The following OLFML2A variants were observed in gnomAD, a reference collection of about 807,000 sequenced individuals.
OLFML2A encodes olfactomedin like 2A, also known as olfactomedin-like protein 2A.
Under a neutral mutation model 60.9 loss-of-function variants are expected in OLFML2A, and 47 were observed. The observed-to-expected ratio is 0.77, with a 90% CI of 0.61 to 0.98. OLFML2A has a LOEUF of 0.98. OLFML2A is among the 50% of genes least tolerant of loss of function. OLFML2A has a pLI of 0.00. For synonymous variants in OLFML2A, 372 were observed against 375.0 expected, an observed-to-expected ratio of 0.99 and a Z score of 0.09; for missense variants, 922 against 879.8, an observed-to-expected ratio of 1.05 and a Z score of -0.61.
At chr9:124,798,726 CAAA>C (rs59669639) in intron 3 of OLFML2A, among the ~76,000 whole-genome samples, 5 of 65,108 alleles carry the variant, frequency 7.7e-5, no homozygotes, top group Non-Finnish European at 7.3e-5. Context: ...CCCAGCTACT[CAAA>C]AAAAAAAAAA....
In OLFML2A at chr9:124,794,914, G is replaced by C. The variant is rs574235992; in HGVS notation, c.355-110G>C. On this transcript the variant is annotated intron_variant, in intron 2 of 7. Transcript: ENST00000373580. ...TGGGATTACAGGCGTGAGCCACAGC[G>C]CCTGGCCCAGGTTCTGGAGTTCTCA... The C allele has an allele frequency of 4.4e-5, 28 of 639,578 alleles. No individual in the cohort carries two copies. In the African/African-American group the frequency reaches 4.5e-4, roughly 10 times the overall value. 39.6% of individuals were successfully genotyped at this position (639,578 alleles called of 1,614,324 possible).
chr9:124,814,463 C>G lies in OLFML2A; in HGVS notation c.*4051C>G, dbSNP rs77529495. 3 of 151,848 alleles carry G rather than the reference C, an allele frequency of 2.0e-5. No individual in the cohort carries two copies. The highest frequency in any genetic ancestry group is 3.9e-4 in the East Asian group (2 of 5,138). The allele number at this position is 151,848 out of a possible 1,614,324, so 9.4% of individuals were successfully genotyped here. Reference sequence around the variant, plus strand: ...TAGAGCTTTACCCCTAATCCCCCCCCAGGAGCCCCGAGGCCGGCATTATTC... The same window carrying G: ...TAGAGCTTTACCCCTAATCCCCCCCGAGGAGCCCCGAGGCCGGCATTATTC... On this transcript the variant is annotated 3_prime_UTR_variant, in exon 8 of 8. Transcript: ENST00000373580.
chr9:124,784,185 GTTTTTTTCTTTTTT>G (rs935207499), intron 1 of OLFML2A, among the ~76,000 whole-genome samples: 1 of 151,680 alleles, frequency 6.6e-6, no homozygotes. Context: ...CACAGAGGTA[GTTTTTTTCTTTTTT>G]TTTTTTTCTT....
chr9:124,807,082 TAAA>T (rs71492424), intron 6 of OLFML2A, among the ~76,000 whole-genome samples: 5 of 148,730 alleles, frequency 3.4e-5, no homozygotes, highest in East Asian at 2.0e-4. Context: ...CTCAGCTAAT[TAAA>T]AAAATTTTTT....
chr9:124,795,006 TC>T lies in OLFML2A; in HGVS notation c.355-13del. On this transcript the variant is annotated splice_polypyrimidine_tract_variant and intron_variant, in intron 2 of 7. Transcript: ENST00000373580. ...ATGTGCTGCACTCTTTGCCTAACCA[TC>T]CCCCTTCCCCGGGCAGCTGCAGTCC... is the stretch of plus-strand genomic sequence containing the variant. 3 of 1,502,510 alleles carry T rather than the reference TC, an allele frequency of 2.0e-6. No homozygotes were observed. The highest frequency in any genetic ancestry group is 2.8e-6 in the Non-Finnish European group (3 of 1,090,604). 93.1% of individuals were successfully genotyped at this position (1,502,510 alleles called of 1,614,324 possible).
chr9:124,801,728 T>G, intron 5 of OLFML2A, 65 bp downstream of exon 5: 1 of 1,538,112 alleles, frequency 6.5e-7, no homozygotes, highest in Non-Finnish European at 8.8e-7. Flanking sequence ...AATCCCCTCA[T>G]CTTCTCTGCA....
At chr9:124,786,882 C>T (rs1334016729) in intron 1 of OLFML2A, 93 bp from the exon 2 acceptor site, 33 of 1,370,834 alleles carry the variant, frequency 2.4e-5, no homozygotes, top group Non-Finnish European at 2.9e-5. Flanking sequence ...CCAAGGCTGG[C>T]TGGCCAGCTG....
At position 124,811,539 on chromosome 9, in the gene OLFML2A, T is replaced by C. The variant is rs1256927440; in HGVS notation, c.*1127T>C. The C allele has an allele frequency of 2.0e-5, 3 of 152,590 alleles. No individual in the cohort carries two copies. The highest frequency in any genetic ancestry group is 2.0e-4 in the Admixed American group (3 of 15,286). 9.5% of individuals were successfully genotyped at this position (152,590 alleles called of 1,614,324 possible). A position where few individuals can be genotyped will look rare whatever the true frequency, so the allele number is the denominator to read the frequency against. On this transcript the variant is annotated 3_prime_UTR_variant, in exon 8 of 8. Transcript: ENST00000373580. ...CAGGCTGGCCCAGCAGCCTGGGGGC[T>C]GCAGAAGACATGGTGTGAGTAGTTG...
rs183770687 is a variant in OLFML2A at position 124,801,582 on chromosome 9, G to T, written c.838G>T (p.Ala280Ser). The T allele has an allele frequency of 6.6e-5, 106 of 1,613,988 alleles. No homozygotes were observed. In the East Asian group the frequency reaches 2.0e-3, roughly 30 times the overall value. Residue 280 changes from alanine to serine, a missense_variant, in exon 5 of 8, where the codon GCC becomes TCC. Coordinates refer to ENST00000373580, the MANE Select transcript of OLFML2A (RefSeq NM_182487.4). ...SFLQPTAKPR[A>S]LAQQQAVIRG... ...CCTCCAGCCCACAGCCAAGCCCCGC[G>T]CCCTGGCCCAGCAGCAGGCTGTGAT... is the stretch of plus-strand genomic sequence containing the variant.
intron 2 of OLFML2A, among the ~76,000 whole-genome samples, chr9:124,792,873 T>C (rs545627535): frequency 6.6e-6 from 1 of 152,266 alleles, no homozygotes; most frequent in African/African-American, 2.4e-5. Context: ...GAAATGTCTA[T>C]GCGCATGATT....
At chr9:124,790,298 T>C (rs1034169454) in intron 2 of OLFML2A, among the ~76,000 whole-genome samples, 1 of 151,996 alleles carries the variant, frequency 6.6e-6, no homozygotes, top group South Asian at 2.1e-4. Flanking sequence ...GCCTCCTGAG[T>C]GGCTGGGATT....
At chr9:124,797,219 G>C (rs974119428) in intron 3 of OLFML2A, among the ~76,000 whole-genome samples, 1 of 152,194 alleles carries the variant, frequency 6.6e-6, no homozygotes, top group Non-Finnish European at 1.5e-5. Flanking sequence ...GGGCTCAAGC[G>C]ATCCTCCTGC....
chr9:124,810,115 C>G lies in OLFML2A; in HGVS notation c.1662C>G (p.Asp554Glu). ...AGGTGATCGTCCTGAGTCGCTTGGACCCCGGCGATCTCTCCGTGCACCGGG... is the reference window on the plus strand; with the variant it reads ...AGGTGATCGTCCTGAGTCGCTTGGAGCCCGGCGATCTCTCCGTGCACCGGG... The part of the protein sequence containing the change: ...QPEVIVLSRL[D>E]PGDLSVHRET... Residue 554 changes from aspartate (D) to glutamate (E), a missense_variant, in exon 8 of 8, where the codon GAC becomes GAG. Asp to Glu is a conservative substitution (Grantham distance 45). Coordinates refer to ENST00000373580, the MANE Select transcript of OLFML2A (RefSeq NM_182487.4). The G allele has an allele frequency of 6.2e-7, 1 of 1,613,820 alleles. No homozygotes were observed. Among genetic ancestry groups the G allele is most frequent in the Non-Finnish European group, 8.5e-7 (1 of 1,180,004 alleles).
chr9:124,788,179 G>A (rs1231995789), intron 2 of OLFML2A, among the ~76,000 whole-genome samples: 1 of 152,020 alleles, frequency 6.6e-6, no homozygotes, highest in African/African-American at 2.4e-5. Context: ...GCAGGTGCCT[G>A]TAATCCCAGC....
Position 124,810,059 on chromosome 9 carries a change from G to T in OLFML2A, c.1606G>T (p.Ala536Ser), listed in dbSNP as rs747666018. The T allele has an allele frequency of 6.2e-7, 1 of 1,613,888 alleles. No individual in the cohort carries two copies. The highest frequency in any genetic ancestry group is 1.1e-5 in the South Asian group (1 of 91,082). Residue 536 changes from alanine (A) to serine (S), a missense_variant, in exon 8 of 8, where the codon GCC becomes TCC. Transcript: ENST00000373580. The part of the protein sequence containing the change: ...DESGLWVIYP[A>S]VDDRDEAQPE... ...GAGCGGCCTGTGGGTCATCTACCCC[G>T]CCGTGGACGACCGCGATGAGGCCCA...
rs758202658 is a variant in OLFML2A at position 124,810,450 on chromosome 9, G to A, written c.*38G>A. ...GCTCCCCGGAGAGGGGCAGCAGTGC[G>A]GGAGGGGCTTTGCACAGCAGCTCCT... On this transcript the variant is annotated 3_prime_UTR_variant, in exon 8 of 8. Transcript: ENST00000373580. The A allele has an allele frequency of 1.6e-5, 25 of 1,550,756 alleles. No individual in the cohort carries two copies. The highest frequency in any genetic ancestry group is 1.3e-4 in the South Asian group (11 of 83,858).
chr9:124,799,932 C>G (rs966620585), intron 4 of OLFML2A, among the ~76,000 whole-genome samples: 2 of 152,152 alleles, frequency 1.3e-5, no homozygotes, highest in Non-Finnish European at 2.9e-5. Flanking sequence ...AGACTGATAC[C>G]CATTCATCCA....
At position 124,810,716 on chromosome 9, in the gene OLFML2A, C is replaced by G. The variant is rs1841996635; in HGVS notation, c.*304C>G. 1 of 414,896 alleles carries G rather than the reference C, an allele frequency of 2.4e-6. No homozygotes were observed. 25.7% of individuals were successfully genotyped at this position (414,896 alleles called of 1,614,324 possible). A position where few individuals can be genotyped will look rare whatever the true frequency, so the allele number is the denominator to read the frequency against. The stretch of plus-strand genomic sequence containing the variant: ...GGAGACAGGCTCAGAGAGGCACCGT[C>G]CCTTGCCTAACACCTCAGTTGTGAT... On this transcript the variant is annotated 3_prime_UTR_variant, in exon 8 of 8. Transcript: ENST00000373580.
chr9:124,780,763 A>G (rs911768595), intron 1 of OLFML2A, among the ~76,000 whole-genome samples: 4 of 152,170 alleles, frequency 2.6e-5, no homozygotes, highest in African/African-American at 9.7e-5. Context: ...TGTCCCCAGC[A>G]CTTACATGCA....
Sources: allele counts gnomAD v4.1 joint callset (sites outside exome capture counted in the v4.1 genomes callset), GRCh38; gene constraint gnomAD v4.1.1; transcripts MANE v1.5; gene names NCBI Gene and HGNC (gene_info 2026-07-23, HGNC 2026-07-21).